The following HIF3A variants were observed in gnomAD, a reference collection of about 807,000 sequenced individuals.
HIF3A encodes hypoxia-inducible factor 3-alpha.
A neutral mutation model predicts 67.2 loss-of-function variants in HIF3A; 41 were observed. That is an observed-to-expected ratio of 0.61 (90% CI 0.48 to 0.79). HIF3A has a LOEUF of 0.79. Ranked by LOEUF, HIF3A falls within the 30% of genes least tolerant of loss-of-function variation. HIF3A has a pLI of 0.00. For synonymous variants in HIF3A, 356 were observed against 374.8 expected (o/e 0.95, Z 0.58); for missense variants, 855 against 898.0 (o/e 0.95, Z 0.61).
At position 46,313,688 on chromosome 19, in the gene HIF3A, A is replaced by G. The variant is rs1020319895; in HGVS notation, c.1025+1035A>G. ...GATTTTTTTTTTTTTTTTTTGAGAC[A>G]GAGTTTTGCCCTCGTCACTCAGGCT... On this transcript the variant is annotated intron_variant, in intron 8 of 14. Transcript: ENST00000377670. Among the ~76,000 whole-genome samples the G allele has an allele frequency of 5.6e-5, 8 of 143,036 alleles. No individual in the cohort carries two copies. In the East Asian group the frequency reaches 1.4e-3, roughly 25 times the overall value. 93.8% of individuals were successfully genotyped at this position (143,036 alleles called of 152,430 possible).
At chr19:46,313,875 T>C (rs1236329538) in intron 8 of HIF3A, among the ~76,000 whole-genome samples, 2 of 151,616 alleles carry the variant, frequency 1.3e-5, no homozygotes, top group African/African-American at 4.9e-5. Flanking sequence ...TTGGCCGGTC[T>C]GGTCTCGAAC....
At chr19:46,298,326 C>CTGGCTGGGTGGGGGCCCCTCT in intron 1 of HIF3A, 1 of 1,224,434 alleles carries the variant, frequency 8.2e-7, no homozygotes, top group Non-Finnish European at 1.1e-6. Flanking sequence ...GCGCCCCCTC[C>CTGGCTGGGTGGGGGCCCCTCT]TGGCTGGGTG....
chr19:46,312,882 ATTTTTTTTTTTT>A (rs531816670), intron 8 of HIF3A: 972 of 875,672 alleles, frequency 1.1e-3, no homozygotes, highest in Middle Eastern at 1.2e-3. Context: ...TAGACTGTTA[ATTTTTTTTTTTT>A]TTTTTTTTTT....
In HIF3A at chr19:46,317,583, T is replaced by C. The variant is rs560705451; in HGVS notation, c.1026-2860T>C. Among the ~76,000 whole-genome samples the C allele has an allele frequency of 2.0e-5, 3 of 152,198 alleles. No homozygotes were observed. The South Asian group carries it at 6.2e-4, about 32-fold the overall frequency. ...CCCTCCTCTCCTTTCTCCTGAGTCA[T>C]GCCCGCTCATCCTTCCAGTCTCAGC... On this transcript the variant is annotated intron_variant, in intron 8 of 14. Coordinates refer to ENST00000377670, the MANE Select transcript of HIF3A (RefSeq NM_152795.4).
chr19:46,311,523 C>T (rs561867037), intron 6 of HIF3A, among the ~76,000 whole-genome samples: 5 of 152,306 alleles, frequency 3.3e-5, no homozygotes, highest in East Asian at 3.9e-4. Flanking sequence ...CTGCCTTTTC[C>T]AGCTGCTAGA....
intron 1 of HIF3A, chr19:46,298,428 T>A (rs1164837089): frequency 1.6e-6 from 2 of 1,280,790 alleles, no homozygotes; most frequent in Non-Finnish European, 2.0e-6. Context: ...GCGCACCCAC[T>A]CGTAACTCGC....
At chr19:46,313,451 C>T (rs1969638429) in intron 8 of HIF3A, 1 of 74,048 alleles carries the variant, frequency 1.4e-5, no homozygotes, top group African/African-American at 5.4e-5. Context: ...GGTTAGGACC[C>T]ATTCTCAAAA....
chr19:46,298,659 G>T, intron 1 of HIF3A: 1 of 516,370 alleles, frequency 1.9e-6, no homozygotes, highest in Non-Finnish European at 3.0e-6. Flanking sequence ...TAGTATTCCC[G>T]GAGAAGATAG....
chr19:46,309,449 C>G, intron 6 of HIF3A, 90 bp downstream of exon 6: 1 of 710,648 alleles, frequency 1.4e-6, no homozygotes. Flanking sequence ...CTCTCCTTCT[C>G]TCTCTCTCTC....
At position 46,339,559 on chromosome 19, in the gene HIF3A, C is replaced by T. The variant is rs753952378; in HGVS notation, c.1947C>T (p.Asp649=). ...LGPSLLSPYS[D]EDTTQPGGPF... is the part of the protein sequence containing the mutation. ...CCTCACTGCTCTCTCCGTACTCAGACGAGGACACTACCCAGCCCGGGGGCC... is the reference window on the plus strand; with the variant it reads ...CCTCACTGCTCTCTCCGTACTCAGATGAGGACACTACCCAGCCCGGGGGCC... Residue 649 remains aspartate (D), a synonymous_variant, in exon 15 of 15, where the codon GAC becomes GAT. Coordinates refer to ENST00000377670, the MANE Select transcript of HIF3A (RefSeq NM_152795.4). 18 of 1,609,792 alleles carry T rather than the reference C, an allele frequency of 1.1e-5. 1 individual carries two copies. Among genetic ancestry groups the T allele is most frequent in the Admixed American group, 3.3e-5 (2 of 59,720 alleles).
At chr19:46,324,907 T>TAC (rs1179829532) in intron 10 of HIF3A, among the ~76,000 whole-genome samples, 192 of 145,624 alleles carry the variant, frequency 1.3e-3, no homozygotes, top group African/African-American at 4.4e-3. Flanking sequence ...TATATATATA[T>TAC]ACACACACAC....
rs1971183799 is a variant in HIF3A, at chr19:46,331,137, C to T, written c.1713-19C>T. Reference sequence around the variant, plus strand: ...CCCAGGTTTGCTGTGTCCTGAGATTCTTGCCTGTTTTCCTCCAGGACCCTG... The same window carrying T: ...CCCAGGTTTGCTGTGTCCTGAGATTTTTGCCTGTTTTCCTCCAGGACCCTG... On this transcript the variant is annotated intron_variant, in intron 12 of 14. Coordinates refer to ENST00000377670, the MANE Select transcript of HIF3A (RefSeq NM_152795.4). 1 of 1,596,776 alleles carries T rather than the reference C, an allele frequency of 6.3e-7. No individual in the cohort carries two copies. Among genetic ancestry groups the T allele is most frequent in the Non-Finnish European group, 8.6e-7 (1 of 1,167,404 alleles).
Position 46,325,557 on chromosome 19 carries a change from C to T in HIF3A, c.1358C>T (p.Pro453Leu). 1.2e-6 allele frequency: 2 copies of T among 1,613,256 alleles called. No individual in the cohort carries two copies. Among genetic ancestry groups the T allele is most frequent in the Non-Finnish European group, 1.7e-6 (2 of 1,179,796 alleles). ...CAGGCTGATCTCCCAGATGAACTACCTGTGGGCACCGAGAATGTGCACAGA... is the reference window on the plus strand; with the variant it reads ...CAGGCTGATCTCCCAGATGAACTACTTGTGGGCACCGAGAATGTGCACAGA... Reference protein sequence around the residue: ...PLSADLPDELPVGTENVHRLF... With the variant: ...PLSADLPDELLVGTENVHRLF... The change falls in exon 11 of 15, where the codon CCT becomes CTT. Residue 453 changes from proline to leucine, a missense_variant. Transcript: ENST00000377670.
At chr19:46,311,233 A>G (rs779912018) in intron 6 of HIF3A, among the ~76,000 whole-genome samples, 5 of 151,862 alleles carry the variant, frequency 3.3e-5, no homozygotes, top group East Asian at 3.9e-4. Flanking sequence ...GCTGTAATAT[A>G]TTACCACGAA....
In HIF3A at chr19:46,305,410, C is replaced by CT. The variant is rs1968755963; in HGVS notation, c.363+21dup. 1 of 1,611,778 alleles carries CT rather than the reference C, an allele frequency of 6.2e-7. No homozygotes were observed. The highest frequency in any genetic ancestry group is 1.1e-5 in the South Asian group (1 of 90,908). ...AGTCAGGTGAGAGGAGCTCCTTGCT[C>CT]TGTGCCTGGCCCTGTACTGGTGATG... On this transcript the variant is annotated intron_variant, in intron 3 of 14. Transcript: ENST00000377670.
intron 1 of HIF3A, among the ~76,000 whole-genome samples, chr19:46,300,951 C>T (rs966840604): frequency 2.0e-5 from 3 of 151,754 alleles, no homozygotes; most frequent in African/African-American, 7.3e-5. Flanking sequence ...GGGGCACTGG[C>T]CCCACCTCCC....
intron 11 of HIF3A, among the ~76,000 whole-genome samples, chr19:46,328,037 G>A (rs551100105): frequency 2.0e-4 from 31 of 152,284 alleles, no homozygotes; most frequent in African/African-American, 5.1e-4. Flanking sequence ...GCAAATTACC[G>A]CCCATGTAAT....
chr19:46,298,205 A>ACCCCCCCCCCC, intron 1 of HIF3A: 2 of 303,408 alleles, frequency 6.6e-6, no homozygotes, highest in South Asian at 2.3e-5. Context: ...CATGTTTCTA[A>ACCCCCCCCCCC]CCGCCCCCAT....
chr19:46,303,086 G>A (rs1400552806), intron 1 of HIF3A, among the ~76,000 whole-genome samples: 3 of 152,108 alleles, frequency 2.0e-5, no homozygotes, highest in Admixed American at 1.3e-4. Flanking sequence ...TCTGAGCCTC[G>A]GTGTCCTCAT....
Sources: gnomAD v4.1 joint callset for allele counts (sites outside exome capture counted in the v4.1 genomes callset) on GRCh38, gnomAD v4.1.1 for gene constraint, MANE v1.5 for transcripts, NCBI Gene and HGNC (gene_info 2026-07-23, HGNC 2026-07-21) for gene names.